GRM3: variants seen among roughly 807,000 people sequenced by gnomAD.
GRM3 encodes glutamate metabotropic receptor 3.
GRM3 carries 26 observed loss-of-function variants against 70.5 expected under a neutral mutation model. That is an observed-to-expected ratio of 0.37 (90% CI 0.27 to 0.51). The LOEUF (loss-of-function observed/expected upper bound fraction) is 0.51. Among genes scored for constraint, GRM3 ranks in the 20% least tolerant of loss-of-function variants. GRM3 has a pLI of 0.93. For synonymous variants in GRM3, 443 were observed against 434.9 expected (o/e 1.02, Z -0.23); for missense variants, 859 against 1,123.8 (o/e 0.76, Z 3.37).
At chr7:86,693,525 C>A (rs558384150) in intron 1 of GRM3, among the ~76,000 whole-genome samples, 8 of 152,294 alleles carry the variant, frequency 5.3e-5, no homozygotes, top group African/African-American at 1.9e-4. Context: ...AGAAAAAGGA[C>A]ACGCTTCTAG....
chr7:86,651,452 A>C (rs1165472454), intron 1 of GRM3, among the ~76,000 whole-genome samples: 1 of 152,234 alleles, frequency 6.6e-6, no homozygotes, highest in African/African-American at 2.4e-5. Flanking sequence ...GCTTTTACAA[A>C]ATATGTCAGA....
intron 1 of GRM3, among the ~76,000 whole-genome samples, chr7:86,740,755 A>AAAGAGGCCCTTGGCAAGG (rs71657776): frequency 0.054 from 8,243 of 152,196 alleles, 319 homozygotes; most frequent in African/African-American, 0.11. Flanking sequence ...ACTAAAGCAG[A>AAAGAGGCCCTTGGCAAGG]AAGAGGCCCT....
chr7:86,659,491 C>T (rs757862251), intron 1 of GRM3, among the ~76,000 whole-genome samples: 2 of 152,074 alleles, frequency 1.3e-5, no homozygotes, highest in Non-Finnish European at 2.9e-5. Context: ...TGGCATTTGG[C>T]TCCAGAGCTT....
intron 1 of GRM3, among the ~76,000 whole-genome samples, chr7:86,654,272 A>G (rs777708595): frequency 1.1e-4 from 16 of 152,350 alleles, no homozygotes; most frequent in East Asian, 1.9e-4. Context: ...TGCTACACTT[A>G]GTAGCTGACT....
At chr7:86,661,742 T>C (rs1793898681) in intron 1 of GRM3, among the ~76,000 whole-genome samples, 1 of 151,954 alleles carries the variant, frequency 6.6e-6, no homozygotes, top group Admixed American at 6.6e-5. Context: ...TTCCTGCCAA[T>C]GTTGTTCTGA....
chr7:86,698,202 C>T (rs946619779), intron 1 of GRM3, among the ~76,000 whole-genome samples: 6 of 152,024 alleles, frequency 3.9e-5, no homozygotes, highest in Non-Finnish European at 8.8e-5. Context: ...TTTCAATGTC[C>T]TCACCTCTTT....
chr7:86,801,351 G>T (rs528536553), intron 3 of GRM3, among the ~76,000 whole-genome samples: 34 of 152,228 alleles, frequency 2.2e-4, no homozygotes, highest in Non-Finnish European at 2.6e-4. Flanking sequence ...TTACAGGCGT[G>T]AGCCAGTGTG....
chr7:86,672,025 T>A (rs761178515), intron 1 of GRM3, among the ~76,000 whole-genome samples: 1 of 152,108 alleles, frequency 6.6e-6, no homozygotes, highest in South Asian at 2.1e-4. Flanking sequence ...TCTCTGGGGG[T>A]TTTATTTTTA....
chr7:86,651,455 A>G (rs1793604113), intron 1 of GRM3, among the ~76,000 whole-genome samples: 1 of 152,222 alleles, frequency 6.6e-6, no homozygotes, highest in Non-Finnish European at 1.5e-5. Flanking sequence ...TTTACAAAAT[A>G]TGTCAGAATA....
At chr7:86,788,344 AGG>A (rs1387482730) in intron 3 of GRM3, among the ~76,000 whole-genome samples, 2 of 152,214 alleles carry the variant, frequency 1.3e-5, no homozygotes, top group Non-Finnish European at 2.9e-5. Flanking sequence ...CTTACCTGCA[AGG>A]CAGCCTTGAA....
intron 5 of GRM3, among the ~76,000 whole-genome samples, chr7:86,862,920 T>C (rs1356154185): frequency 6.6e-6 from 1 of 152,184 alleles, no homozygotes; most frequent in East Asian, 1.9e-4. Flanking sequence ...CATTTAAACA[T>C]GAAGCCAGTT....
At chr7:86,796,435 T>A (rs1797552238) in intron 3 of GRM3, among the ~76,000 whole-genome samples, 1 of 152,236 alleles carries the variant, frequency 6.6e-6, no homozygotes, top group Admixed American at 6.5e-5. Context: ...TCTGTTTTTG[T>A]ACCTGTACTA....
chr7:86,677,796 T>C (rs969130733), intron 1 of GRM3, among the ~76,000 whole-genome samples: 2 of 151,742 alleles, frequency 1.3e-5, no homozygotes, highest in Non-Finnish European at 2.9e-5. Flanking sequence ...CCGCAAAGAA[T>C]GGGAAACTAA....
intron 3 of GRM3, among the ~76,000 whole-genome samples, chr7:86,797,606 T>C (rs1476005844): frequency 6.6e-6 from 1 of 152,182 alleles, no homozygotes; most frequent in African/African-American, 2.4e-5. Flanking sequence ...AGCATAAAAA[T>C]TTGGAAAATT....
At chr7:86,699,757 C>A (rs1306271163) in intron 1 of GRM3, among the ~76,000 whole-genome samples, 1 of 151,888 alleles carries the variant, frequency 6.6e-6, no homozygotes, top group East Asian at 1.9e-4. Flanking sequence ...GTAACTTGGT[C>A]AAGAAGAAAG....
chr7:86,686,333 G>A (rs1794567058), intron 1 of GRM3, among the ~76,000 whole-genome samples: 1 of 152,164 alleles, frequency 6.6e-6, no homozygotes, highest in Non-Finnish European at 1.5e-5. Flanking sequence ...AGAAAAGTGA[G>A]AAGGGGCAAA....
chr7:86,708,097 T>C (rs1174213678), intron 1 of GRM3, among the ~76,000 whole-genome samples: 1 of 152,028 alleles, frequency 6.6e-6, no homozygotes, highest in Non-Finnish European at 1.5e-5. Flanking sequence ...TCTCTCTGGC[T>C]CTAGAGCCTA....
At chr7:86,702,159 T>G (rs1794959663) in intron 1 of GRM3, among the ~76,000 whole-genome samples, 2 of 152,056 alleles carry the variant, frequency 1.3e-5, no homozygotes, top group Admixed American at 1.3e-4. Flanking sequence ...CAGAAGATAC[T>G]AAGCTTACCT....
intron 1 of GRM3, among the ~76,000 whole-genome samples, chr7:86,748,124 C>T (rs955602290): frequency 7.2e-5 from 11 of 151,972 alleles, no homozygotes; most frequent in African/African-American, 2.7e-4. Context: ...CCTATTATTT[C>T]GCTTTTTGCT....
Sources: allele counts gnomAD v4.1 joint callset (sites outside exome capture counted in the v4.1 genomes callset), GRCh38; gene constraint gnomAD v4.1.1; transcripts MANE v1.5; gene names NCBI Gene and HGNC (gene_info 2026-07-23, HGNC 2026-07-21).